Variants in ACTL6A observed in about 807,000 individuals in gnomAD.
ACTL6A encodes the protein actin-like protein 6A.
A neutral mutation model predicts 59.2 loss-of-function variants in ACTL6A; 5 were observed. The observed-to-expected ratio is 0.08, with a 90% CI of 0.04 to 0.18. The LOEUF (loss-of-function observed/expected upper bound fraction) is 0.18, where lower values mean the gene tolerates loss of function less well. Among genes scored for constraint, ACTL6A ranks in the 10% least tolerant of loss-of-function variants. The pLI, the probability that ACTL6A is intolerant of heterozygous loss-of-function variation, is 1.00. For synonymous variants in ACTL6A, 154 were observed against 171.8 expected (o/e 0.90, Z 0.81); for missense variants, 285 against 526.9 (o/e 0.54, Z 4.49).
Position 179,587,121 on chromosome 3 carries a change from T to C in ACTL6A, c.1209+489T>C, listed in dbSNP as rs144202390. The stretch of plus-strand genomic sequence containing the variant: ...AGGACAAAAAGTCCTTGTACTTTTC[T>C]GCATCCTGGACTTAGAGCATTTCTC... On this transcript the variant is annotated intron_variant, in intron 13 of 13. Transcript: ENST00000429709. Among the ~76,000 whole-genome samples the C allele has an allele frequency of 3.0e-3, 461 of 152,296 alleles. 1 individual carries two copies. The highest frequency in any genetic ancestry group is 4.0e-3 in the Non-Finnish European group (273 of 68,016).
intron 11 of ACTL6A, among the ~76,000 whole-genome samples, chr3:179,581,675 G>A (rs182446692): frequency 7.9e-4 from 121 of 152,290 alleles, no homozygotes; most frequent in African/African-American, 2.6e-3. Context: ...TCAGGAAGGC[G>A]TGGTTTAAAT....
chr3:179,576,477 T>A (rs117402685), intron 6 of ACTL6A, 143 bp from the exon 7 acceptor site: 2 of 793,706 alleles, frequency 2.5e-6, no homozygotes, highest in East Asian at 5.1e-5. Context: ...TTAAAACTGA[T>A]GCATGGCTTT....
intron 5 of ACTL6A, chr3:179,575,065 A>C (rs1347932710): frequency 4.8e-6 from 1 of 206,604 alleles, no homozygotes; most frequent in Non-Finnish European, 9.9e-6. Flanking sequence ...CTGCTCTCGA[A>C]CTCCTGGACT....
chr3:179,563,664 G>C (rs1229177056), intron 1 of ACTL6A, among the ~76,000 whole-genome samples: 1 of 152,246 alleles, frequency 6.6e-6, no homozygotes, highest in South Asian at 2.1e-4. Context: ...CCCCGTCTGC[G>C]CCCCATGCGC....
chr3:179,563,004 G>T lies in ACTL6A; in HGVS notation c.-89G>T, dbSNP rs1717708653. The T allele has an allele frequency of 6.5e-7, 1 of 1,541,988 alleles. No individual in the cohort carries two copies. The highest frequency in any genetic ancestry group is 2.3e-5 in the East Asian group (1 of 42,806). On this transcript the variant is annotated 5_prime_UTR_variant, in exon 1 of 14. Coordinates refer to ENST00000429709, the MANE Select transcript of ACTL6A (RefSeq NM_004301.5). ...TGGCGGTGGAAGTTAAGGGAGTCAGGGGCTATCGCTCCTCGAGACTCGCAG... is the reference window on the plus strand; with the variant it reads ...TGGCGGTGGAAGTTAAGGGAGTCAGTGGCTATCGCTCCTCGAGACTCGCAG...
intron 3 of ACTL6A, among the ~76,000 whole-genome samples, chr3:179,571,877 A>G (rs1425151874): frequency 6.9e-6 from 1 of 144,190 alleles, no homozygotes; most frequent in African/African-American, 2.6e-5. Flanking sequence ...CCATTTAGGG[A>G]CAAGTTTTAT....
intron 8 of ACTL6A, 23 bp from the exon 9 acceptor site, chr3:179,580,617 T>C (rs755038741): frequency 6.5e-7 from 1 of 1,543,594 alleles, no homozygotes; most frequent in African/African-American, 1.4e-5. Context: ...ACCTTGTTTG[T>C]TACTTTTTTC....
chr3:179,580,132 GA>G (rs1359109233), intron 8 of ACTL6A, among the ~76,000 whole-genome samples: 10 of 152,238 alleles, frequency 6.6e-5, no homozygotes, highest in African/African-American at 2.2e-4. Flanking sequence ...AATATACGAG[GA>G]AAAATTAGGA....
Position 179,588,365 on chromosome 3 carries a change from A to G in ACTL6A, c.*355A>G. ...AGTTACTGCCTATGCTTTTTACCTT[A>G]GGCTTACAGAATTAAATAAAAATTA... is the stretch of plus-strand genomic sequence containing the variant. On this transcript the variant is annotated 3_prime_UTR_variant, in exon 14 of 14. Transcript: ENST00000429709. The G allele has an allele frequency of 5.0e-6, 1 of 198,780 alleles. No individual in the cohort carries two copies. The highest frequency in any genetic ancestry group is 1.0e-5 in the Non-Finnish European group (1 of 99,904). 12.3% of individuals were successfully genotyped at this position (198,780 alleles called of 1,614,324 possible).
chr3:179,572,911 A>G (rs901473434), intron 3 of ACTL6A, among the ~76,000 whole-genome samples: 14 of 151,620 alleles, frequency 9.2e-5, no homozygotes, highest in African/African-American at 2.9e-4. Flanking sequence ...AATTTTTAAC[A>G]TGTCTTTTAG....
At chr3:179,568,455 C>T (rs990367697) in intron 1 of ACTL6A, among the ~76,000 whole-genome samples, 4 of 151,450 alleles carry the variant, frequency 2.6e-5, no homozygotes, top group Non-Finnish European at 5.9e-5. Context: ...TTTCCTCTCT[C>T]TCCCTTCTTC....
intron 12 of ACTL6A, chr3:179,583,875 CA>C (rs1718406109): frequency 6.5e-6 from 1 of 152,832 alleles, no homozygotes; most frequent in African/African-American, 2.4e-5. Flanking sequence ...ATGAATAGTT[CA>C]ACTCATTGCT....
In ACTL6A at chr3:179,562,941, C is replaced by G; in HGVS notation, c.-152C>G. 1 of 962,158 alleles carries G rather than the reference C, an allele frequency of 1.0e-6. No homozygotes were observed. The highest frequency in any genetic ancestry group is 1.6e-6 in the Non-Finnish European group (1 of 622,848). The allele number at this position is 962,158 out of a possible 1,614,324, so 59.6% of individuals were successfully genotyped here. ...AGGAGCCAGCAAGTGTGGCTGAGCT[C>G]CGGGGTGTGTGGACGCCGCTTTGTT... On this transcript the variant is annotated 5_prime_UTR_variant, in exon 1 of 14. Transcript: ENST00000429709.
Position 179,580,641 on chromosome 3 carries a change from G to A in ACTL6A, c.770G>A (p.Cys257Tyr), listed in dbSNP as rs1256231163. The A allele has an allele frequency of 6.2e-7, 1 of 1,603,528 alleles. No homozygotes were observed. Among genetic ancestry groups the A allele is most frequent in the Non-Finnish European group, 8.5e-7 (1 of 1,173,386 alleles). ...TRSWHNYMCN[C>Y]VIQDFQASVL... ...GTTACTTTTTTCTTTTACTCACAGT[G>A]TGTTATCCAGGATTTTCAAGCTTCG... Residue 257 changes from cysteine to tyrosine, a missense_variant and splice_region_variant, in exon 9 of 14, where the codon TGT (cysteine) becomes TAT (tyrosine). By Grantham distance (194) the Cys-to-Tyr change is radical (BLOSUM62 -2). Transcript: ENST00000429709.
chr3:179,577,488 A>C (rs925204740), intron 8 of ACTL6A, among the ~76,000 whole-genome samples: 3 of 152,034 alleles, frequency 2.0e-5, no homozygotes, highest in African/African-American at 4.8e-5. Flanking sequence ...TAAAAAAAAA[A>C]CAAAAAAAAA....
chr3:179,586,376 G>A, intron 12 of ACTL6A, 170 bp from the exon 13 acceptor site: 1 of 484,574 alleles, frequency 2.1e-6, no homozygotes. Context: ...TGTAATCCCA[G>A]CACTTTGGGA....
At chr3:179,580,232 T>A (rs1420125832) in intron 8 of ACTL6A, among the ~76,000 whole-genome samples, 1 of 152,220 alleles carries the variant, frequency 6.6e-6, no homozygotes, top group Non-Finnish European at 1.5e-5. Context: ...TTATACTATG[T>A]ACAGTCATTA....
rs538404987 is a variant in ACTL6A at position 179,583,085 on chromosome 3, T to C, written c.1027-268T>C. 5.9e-5 allele frequency among the ~76,000 whole-genome samples: 9 copies of C among 152,298 alleles called. No homozygotes were observed. The East Asian group carries it at 1.7e-3, about 29-fold the overall frequency. ...GTAGGCAATATAACGAGACCCCGTCTCTAAAAGTAACCTTGCCTGGATCCC... is the reference window on the plus strand; with the variant it reads ...GTAGGCAATATAACGAGACCCCGTCCCTAAAAGTAACCTTGCCTGGATCCC... On this transcript the variant is annotated intron_variant, in intron 11 of 13. Transcript: ENST00000429709.
chr3:179,586,447 G>T, intron 12 of ACTL6A, 99 bp from the exon 13 acceptor site: 1 of 876,648 alleles, frequency 1.1e-6, no homozygotes, highest in Non-Finnish European at 1.6e-6. Context: ...AATATGGCGA[G>T]GAAGACCCTG....
Sources: allele counts gnomAD v4.1 joint callset (sites outside exome capture counted in the v4.1 genomes callset), GRCh38; gene constraint gnomAD v4.1.1; transcripts MANE v1.5; gene names NCBI Gene and HGNC (gene_info 2026-07-23, HGNC 2026-07-21).